The following GPHN variants were observed in gnomAD, a reference collection of about 807,000 sequenced individuals.
The protein encoded by GPHN is gephyrin.
GPHN carries 17 observed loss-of-function variants against 95.5 expected under a neutral mutation model. The ratio of observed to expected loss-of-function variants is 0.18; its 90% CI spans 0.12 to 0.27. The LOEUF (loss-of-function observed/expected upper bound fraction) is 0.27, where lower values mean the gene tolerates loss of function less well. Ranked by LOEUF, GPHN falls within the 10% of genes least tolerant of loss-of-function variation. The pLI, the probability that GPHN is intolerant of heterozygous loss-of-function variation, is 1.00. For synonymous variants in GPHN, 320 were observed against 322.5 expected (o/e 0.99, Z 0.08); for missense variants, 660 against 978.1 (o/e 0.67, Z 4.34).
intron 1 of GPHN, among the ~76,000 whole-genome samples, chr14:66,674,372 C>G (rs1411578489): frequency 6.6e-6 from 1 of 152,100 alleles, no homozygotes; most frequent in Non-Finnish European, 1.5e-5. Flanking sequence ...TGCTGGGTTA[C>G]AGGCATGAGC....
the GPHN span, among the ~76,000 whole-genome samples, chr14:67,573,006 C>G: frequency 6.6e-6 from 1 of 152,214 alleles, no homozygotes; most frequent in Admixed American, 6.5e-5. This position sits in a 1 kb window ranked among gnomAD's most constrained non-coding sequence, Gnocchi z 4.8. Flanking sequence ...GGCTCTCCCT[C>G]TAGCAGCCCC....
intron 4 of GPHN, among the ~76,000 whole-genome samples, chr14:66,831,339 T>A (rs144999799): frequency 6.6e-6 from 1 of 152,300 alleles, no homozygotes; most frequent in East Asian, 1.9e-4. Context: ...ATCTTAAAAT[T>A]GTTCTATGCA....
At chr14:67,483,400 T>G in the GPHN span, among the ~76,000 whole-genome samples, 1 of 152,212 alleles carries the variant, frequency 6.6e-6, no homozygotes, top group Non-Finnish European at 1.5e-5. Context: ...ATCAGCACAC[T>G]GCACTGCCCC....
intron 8 of GPHN, among the ~76,000 whole-genome samples, chr14:66,956,703 ATGACCTT>A (rs1439619297): frequency 6.6e-6 from 1 of 152,046 alleles, no homozygotes; most frequent in Non-Finnish European, 1.5e-5. Context: ...GTGTCTGTTC[ATGACCTT>A]TGCCCACTTT....
chr14:67,359,246 G>A, the GPHN span, among the ~76,000 whole-genome samples: 1 of 152,308 alleles, frequency 6.6e-6, no homozygotes, highest in East Asian at 1.9e-4. Flanking sequence ...CCTTCTCAGA[G>A]CATTTATTAA....
chr14:67,646,066 A>T, the GPHN span, among the ~76,000 whole-genome samples: 1 of 152,174 alleles, frequency 6.6e-6, no homozygotes, highest in Admixed American at 6.5e-5. Context: ...TCTTGGTTAG[A>T]GGCTCCCAGG....
At chr14:67,317,546 C>T in the GPHN span, 2 of 1,072,908 alleles carry the variant, frequency 1.9e-6, no homozygotes, top group South Asian at 1.4e-5. Context: ...TCCTGTTTTG[C>T]ACCTTAATGT....
chr14:67,232,377 G>A, the GPHN span, among the ~76,000 whole-genome samples: 1 of 152,180 alleles, frequency 6.6e-6, no homozygotes, highest in East Asian at 1.9e-4. Context: ...TAGCTAACAG[G>A]TATGTGAGTG....
chr14:66,603,269 C>G (rs909832790), intron 1 of GPHN, among the ~76,000 whole-genome samples: 4 of 151,818 alleles, frequency 2.6e-5, no homozygotes, highest in Non-Finnish European at 4.4e-5. Flanking sequence ...CCTGTAATCC[C>G]TCTATCCAGA....
the GPHN span, chr14:67,656,288 T>C: frequency 2.3e-6 from 2 of 871,180 alleles, no homozygotes; most frequent in Admixed American, 3.1e-5. Context: ...GAGAAAAGCA[T>C]AAGAACTTAA....
chr14:67,266,025 CTCAA>C, the GPHN span, among the ~76,000 whole-genome samples: 1 of 152,030 alleles, frequency 6.6e-6, no homozygotes, highest in Non-Finnish European at 1.5e-5. Flanking sequence ...CCAAGGCTGT[CTCAA>C]ACTCCTGGTC....
At chr14:66,952,819 C>CA (rs1470838190) in intron 8 of GPHN, among the ~76,000 whole-genome samples, 2 of 152,066 alleles carry the variant, frequency 1.3e-5, no homozygotes, top group Non-Finnish European at 2.9e-5. Flanking sequence ...CTCAGCCTCT[C>CA]AAGTAGCTAG....
intron 5 of GPHN, among the ~76,000 whole-genome samples, chr14:66,913,427 C>T (rs1164986835): frequency 6.6e-6 from 1 of 152,114 alleles, no homozygotes; most frequent in African/African-American, 2.4e-5. Context: ...TTGCAACCTC[C>T]GCCTCCCAGA....
At chr14:67,727,058 G>T in the GPHN span, 2 of 1,614,056 alleles carry the variant, frequency 1.2e-6, no homozygotes, top group Admixed American at 1.7e-5. Context: ...TGTGTCCTCG[G>T]TGGCTCACCA....
At chr14:66,652,427 A>G (rs1490744594) in intron 1 of GPHN, among the ~76,000 whole-genome samples, 1 of 151,878 alleles carries the variant, frequency 6.6e-6, no homozygotes, top group Non-Finnish European at 1.5e-5. Flanking sequence ...ATATAATATC[A>G]TTCTATGTAA....
chr14:67,233,299 G>A, the GPHN span, among the ~76,000 whole-genome samples: 26 of 152,024 alleles, frequency 1.7e-4, no homozygotes, highest in African/African-American at 5.3e-4. Context: ...GTGCCACCAC[G>A]CCCGGCTAAA....
intron 3 of GPHN, among the ~76,000 whole-genome samples, chr14:66,781,280 G>A (rs903150823): frequency 1.1e-4 from 16 of 150,170 alleles, no homozygotes; most frequent in Middle Eastern, 3.4e-3. Context: ...GCAGTGGCAC[G>A]ATCTCAGCAC....
chr14:66,529,876 A>G lies in GPHN; in HGVS notation c.64+21285A>G, dbSNP rs376800718. On this transcript the variant is annotated intron_variant, in intron 1 of 22. Transcript: ENST00000478722. ...GAGGGGCACCTGCCAGATGCCAGCC[A>G]GAGCTCTCCTGTATGAGGTGTCTGT... is the stretch of plus-strand genomic sequence containing the variant. Among the ~76,000 whole-genome samples, 3 of 152,316 alleles carry G rather than the reference A, an allele frequency of 2.0e-5. No homozygotes were observed. In the East Asian group the frequency reaches 5.8e-4, roughly 29 times the overall value.
chr14:67,701,425 C>CTTTTTTTTTTTT, the GPHN span, among the ~76,000 whole-genome samples: 1 of 71,128 alleles, frequency 1.4e-5, no homozygotes, highest in Non-Finnish European at 2.8e-5. Context: ...ATTATAATTT[C>CTTTTTTTTTTTT]TTTTTTTTTT....
Sources: gnomAD v4.1 joint callset for allele counts (sites outside exome capture counted in the v4.1 genomes callset) on GRCh38, gnomAD v4.1.1 for gene constraint, Gnocchi (gnomAD v3.1) non-coding constraint, MANE v1.5 for transcripts, NCBI Gene and HGNC (gene_info 2026-07-23, HGNC 2026-07-21) for gene names.